The following MBD5 variants were observed in gnomAD, a reference collection of about 807,000 sequenced individuals.
MBD5 encodes the protein methyl-CpG binding domain protein 5.
A neutral mutation model predicts 117.3 loss-of-function variants in MBD5; 13 were observed. That is an observed-to-expected ratio of 0.11 (90% CI 0.07 to 0.18). The LOEUF (loss-of-function observed/expected upper bound fraction) is 0.18. MBD5 is among the 10% of genes least tolerant of loss of function. MBD5 has a pLI of 1.00. For missense variants in MBD5, 1,879 were observed against 2,093.8 expected, an observed-to-expected ratio of 0.90 and a Z score of 2.00; for synonymous variants, 727 against 766.4, an observed-to-expected ratio of 0.95 and a Z score of 0.85.
intron 1 of MBD5, among the ~76,000 whole-genome samples, chr2:148,174,930 C>G (rs952655552): frequency 3.9e-5 from 6 of 152,162 alleles, no homozygotes; most frequent in Admixed American, 6.5e-5. Flanking sequence ...GATGATCCAG[C>G]AATCCCATTT....
At chr2:148,382,295 G>T (rs565499192) in intron 4 of MBD5, among the ~76,000 whole-genome samples, 35 of 151,956 alleles carry the variant, frequency 2.3e-4, no homozygotes, top group African/African-American at 8.5e-4. Context: ...AAAAGGCAGG[G>T]GTTGCAATCC....
At chr2:148,432,031 A>G (rs886844292) in intron 4 of MBD5, among the ~76,000 whole-genome samples, 2 of 152,092 alleles carry the variant, frequency 1.3e-5, no homozygotes, top group African/African-American at 4.8e-5. Flanking sequence ...CCTCACCAGC[A>G]TCTGTTCTTT....
chr2:148,383,523 A>C (rs1704228660), intron 4 of MBD5, among the ~76,000 whole-genome samples: 1 of 152,188 alleles, frequency 6.6e-6, no homozygotes. Flanking sequence ...ATTCTACCAG[A>C]GATACAAGGA....
At chr2:148,453,494 C>A (rs144333011) in intron 4 of MBD5, among the ~76,000 whole-genome samples, 125 of 151,932 alleles carry the variant, frequency 8.2e-4, no homozygotes, top group African/African-American at 2.9e-3. Context: ...AAATTAAGTC[C>A]TAAGTATAAG....
At chr2:148,506,434 C>T (rs1423873606) in intron 12 of MBD5, among the ~76,000 whole-genome samples, 1 of 152,182 alleles carries the variant, frequency 6.6e-6, no homozygotes, top group African/African-American at 2.4e-5. Context: ...AGGAATGATA[C>T]TTACCATGTT....
chr2:148,502,374 A>G, intron 11 of MBD5, 62 bp from the exon 12 acceptor site: 1 of 1,516,640 alleles, frequency 6.6e-7, no homozygotes, highest in Non-Finnish European at 9.1e-7. Context: ...CAGGAAAGTA[A>G]AAACCGTGTT....
chr2:148,172,825 G>A lies in MBD5; in HGVS notation c.-924-5875G>A, dbSNP rs541730431. On this transcript the variant is annotated intron_variant, in intron 1 of 13. Transcript: ENST00000642680. The stretch of plus-strand genomic sequence containing the variant: ...ACAGACCGTTGGGACTACCAGGTGC[G>A]GGAAGGAGCTACCCATTTCAGGTCT... Among the ~76,000 whole-genome samples the A allele has an allele frequency of 1.2e-4, 18 of 152,230 alleles. No individual in the cohort carries two copies. In the East Asian group the frequency reaches 2.9e-3, roughly 25 times the overall value.
intron 4 of MBD5, among the ~76,000 whole-genome samples, chr2:148,415,361 G>T (rs1348009438): frequency 7.9e-5 from 12 of 152,094 alleles, no homozygotes; most frequent in Admixed American, 7.9e-4. Context: ...GGTTCCCTTT[G>T]TAGGTGACCT....
chr2:148,225,778 A>G (rs753114191), intron 2 of MBD5, among the ~76,000 whole-genome samples: 8 of 152,074 alleles, frequency 5.3e-5, no homozygotes, highest in Non-Finnish European at 8.8e-5. Flanking sequence ...ATGTCATGCC[A>G]TTCTCTCTTG....
chr2:148,324,010 G>A (rs1276844402), intron 3 of MBD5, among the ~76,000 whole-genome samples: 1 of 152,012 alleles, frequency 6.6e-6, no homozygotes, highest in Admixed American at 6.6e-5. Context: ...ATCTTGAATT[G>A]ATTTTTGTAT....
intron 4 of MBD5, among the ~76,000 whole-genome samples, chr2:148,389,710 TG>T (rs1418265354): frequency 6.6e-6 from 1 of 152,164 alleles, no homozygotes; most frequent in Non-Finnish European, 1.5e-5. Flanking sequence ...TTCACATGTT[TG>T]TTGGATGTTT....
At chr2:148,359,729 C>A (rs1396876055) in intron 4 of MBD5, among the ~76,000 whole-genome samples, 1 of 152,064 alleles carries the variant, frequency 6.6e-6, no homozygotes, top group Non-Finnish European at 1.5e-5. Flanking sequence ...CTCTATGAAT[C>A]CTAGTCATTT....
rs563418424 is a variant in MBD5, at chr2:148,390,161, A to G, written c.-557+47825A>G. Among the ~76,000 whole-genome samples, 161 of 152,144 alleles carry G rather than the reference A, an allele frequency of 1.1e-3. 1 individual carries two copies. The highest frequency in any genetic ancestry group is 3.4e-3 in the African/African-American group (143 of 41,512). ...ATGGCTAGCCAGTTTTCTCAGCACC[A>G]TTTATTGAATAGGGGGTCCCTTCCC... On this transcript the variant is annotated intron_variant, in intron 4 of 13. Coordinates refer to ENST00000642680, the MANE Select transcript of MBD5 (RefSeq NM_001378120.1).
intron 2 of MBD5, among the ~76,000 whole-genome samples, chr2:148,195,183 A>G (rs1003790596): frequency 6.6e-6 from 1 of 151,412 alleles, no homozygotes; most frequent in African/African-American, 2.5e-5. Context: ...CATTTTAAAT[A>G]TAAAAACACA....
intron 1 of MBD5, among the ~76,000 whole-genome samples, chr2:148,129,339 A>G (rs1047984647): frequency 6.6e-6 from 1 of 152,096 alleles, no homozygotes; most frequent in African/African-American, 2.4e-5. Flanking sequence ...ACTAAAAAAT[A>G]GAAAAATTAG....
intron 4 of MBD5, among the ~76,000 whole-genome samples, chr2:148,353,484 A>C (rs962137132): frequency 6.6e-6 from 1 of 152,106 alleles, no homozygotes; most frequent in Non-Finnish European, 1.5e-5. Context: ...TAGACATCAT[A>C]TATTAACAAC....
At chr2:148,366,843 G>A (rs1410680421) in intron 4 of MBD5, among the ~76,000 whole-genome samples, 2 of 152,146 alleles carry the variant, frequency 1.3e-5, no homozygotes, top group African/African-American at 2.4e-5. Context: ...CAAACAAATG[G>A]AAAACATTCC....
chr2:148,468,463 T>A lies in MBD5; in HGVS notation c.520T>A (p.Ser174Thr), dbSNP rs773716719. ...CKNPFKLMIG[S>T]SNAMGRLYVQ... is the part of the protein sequence containing the mutation. The stretch of plus-strand genomic sequence containing the variant: ...GAATCCTTTCAAGTTAATGATTGGA[T>A]CATCAAATGCCATGGGAAGGCTATA... Residue 174 changes from serine to threonine, a missense_variant, in exon 8 of 14, where the codon TCA (serine) becomes ACA (threonine). Around this residue, in one of 4 missense-constraint regions of MBD5, gnomAD observed 1,666 missense variants for 1,792.2 expected, o/e 0.93. Transcript: ENST00000642680. 4.3e-6 allele frequency: 7 copies of A among 1,613,688 alleles called. No homozygotes were observed. The East Asian group carries it at 1.1e-4, about 26-fold the overall frequency.
In MBD5 at chr2:148,386,863, A is replaced by T. The variant is rs540537458; in HGVS notation, c.-557+44527A>T. On this transcript the variant is annotated intron_variant, in intron 4 of 13. Transcript: ENST00000642680. Reference sequence around the variant, plus strand: ...TACCTTACCAGAAGTGACTCAAGAAAATATTGAAAGCTAAAATGGTCCTGT... The same window carrying T: ...TACCTTACCAGAAGTGACTCAAGAATATATTGAAAGCTAAAATGGTCCTGT... 6.6e-5 allele frequency among the ~76,000 whole-genome samples: 10 copies of T among 152,320 alleles called. No individual in the cohort carries two copies. In the South Asian group the frequency reaches 2.1e-3, roughly 32 times the overall value.
Sources: gnomAD v4.1 joint callset for allele counts (sites outside exome capture counted in the v4.1 genomes callset) on GRCh38, gnomAD v4.1.1 for gene constraint, gnomAD v4.1.1 regional missense constraint, MANE v1.5 for transcripts, NCBI Gene and HGNC (gene_info 2026-07-23, HGNC 2026-07-21) for gene names.